The following NPAS3 variants were observed in gnomAD, a reference collection of about 807,000 sequenced individuals.
NPAS3 encodes neuronal PAS domain-containing protein 3.
Under a neutral mutation model 73.1 loss-of-function variants are expected in NPAS3, and 14 were observed. The ratio of observed to expected loss-of-function variants is 0.19; its 90% CI spans 0.13 to 0.30. The LOEUF (loss-of-function observed/expected upper bound fraction) is 0.30. Among genes scored for constraint, NPAS3 ranks in the 10% least tolerant of loss-of-function variants. NPAS3 has a pLI of 1.00. For missense variants in NPAS3, 1,096 were observed against 1,250.0 expected (o/e 0.88, Z 1.86); for synonymous variants, 620 against 541.5 (o/e 1.14, Z -2.01).
At chr14:33,492,464 AC>A (rs1222223222) in intron 4 of NPAS3, among the ~76,000 whole-genome samples, 2 of 152,138 alleles carry the variant, frequency 1.3e-5, no homozygotes, top group Non-Finnish European at 2.9e-5. Context: ...ACTTAGGAGG[AC>A]ATGAATGTTT....
intron 1 of NPAS3, among the ~76,000 whole-genome samples, chr14:33,027,876 C>T (rs920043343): frequency 6.6e-6 from 1 of 152,146 alleles, no homozygotes; most frequent in African/African-American, 2.4e-5. Context: ...GCACTAATAG[C>T]TGCTCTCAGA....
At chr14:33,346,531 A>G (rs76644563) in intron 3 of NPAS3, among the ~76,000 whole-genome samples, 1 of 150,878 alleles carries the variant, frequency 6.6e-6, no homozygotes, top group South Asian at 2.1e-4. Flanking sequence ...CTGTCTCAAA[A>G]AAAAAAAAAA....
At position 33,498,027 on chromosome 14, in the gene NPAS3, C is replaced by G. The variant is rs572814741; in HGVS notation, c.469-62094C>G. Among the ~76,000 whole-genome samples, 19 of 152,114 alleles carry G rather than the reference C, an allele frequency of 1.2e-4. No individual in the cohort carries two copies. The South Asian group carries it at 2.9e-3, about 23-fold the overall frequency. ...AAAAACAACCCCATCAAAAAGTAGG[C>G]AAAGGATATGAACAGACACTTCTCA... On this transcript the variant is annotated intron_variant, in intron 4 of 11. Coordinates refer to ENST00000356141, the Ensembl canonical transcript of NPAS3.
chr14:33,723,359 C>A (rs2061170104), intron 6 of NPAS3, among the ~76,000 whole-genome samples: 2 of 152,096 alleles, frequency 1.3e-5, no homozygotes, highest in South Asian at 4.1e-4. Context: ...ATATAGGATT[C>A]CCCATTCAAT....
intron 3 of NPAS3, among the ~76,000 whole-genome samples, chr14:33,284,084 T>A (rs1204736839): frequency 6.6e-6 from 1 of 152,238 alleles, no homozygotes; most frequent in East Asian, 1.9e-4. Context: ...ATTGTTTGCA[T>A]CTTTGTAAAC....
At chr14:33,238,222 A>T (rs1771957377) in intron 3 of NPAS3, among the ~76,000 whole-genome samples, 1 of 152,016 alleles carries the variant, frequency 6.6e-6, no homozygotes, top group Non-Finnish European at 1.5e-5. Context: ...CAGTTATAGG[A>T]TTATAAATGT....
At chr14:33,043,791 T>C (rs1266550392) in intron 1 of NPAS3, among the ~76,000 whole-genome samples, 1 of 152,042 alleles carries the variant, frequency 6.6e-6, no homozygotes, top group Admixed American at 6.6e-5. Flanking sequence ...TAAAAATGTA[T>C]TGTTAGTCCA....
chr14:33,110,836 A>C (rs903410588), intron 2 of NPAS3, among the ~76,000 whole-genome samples: 18 of 152,186 alleles, frequency 1.2e-4, no homozygotes, highest in African/African-American at 4.3e-4. Flanking sequence ...AAGAATTGCT[A>C]ACTAGGTTTT....
intron 3 of NPAS3, among the ~76,000 whole-genome samples, chr14:33,315,083 G>A (rs1048522940): frequency 3.9e-5 from 6 of 152,052 alleles, no homozygotes; most frequent in African/African-American, 1.4e-4. Context: ...AAACAGAGAT[G>A]AGAGTGGGCA....
chr14:33,480,389 A>G (rs887132480), intron 4 of NPAS3, among the ~76,000 whole-genome samples: 35 of 152,272 alleles, frequency 2.3e-4, no homozygotes, highest in African/African-American at 8.4e-4. Context: ...GCAATCTTCC[A>G]TAAGGCAAGT....
intron 3 of NPAS3, among the ~76,000 whole-genome samples, chr14:33,243,503 C>T (rs894528978): frequency 7.9e-5 from 12 of 152,024 alleles, no homozygotes; most frequent in African/African-American, 2.9e-4. Flanking sequence ...CAATAATTTG[C>T]ATTTTATCTA....
chr14:33,127,379 A>G (rs1218515016), intron 2 of NPAS3, among the ~76,000 whole-genome samples: 3 of 152,046 alleles, frequency 2.0e-5, no homozygotes, highest in African/African-American at 4.8e-5. Flanking sequence ...ATATATTGAG[A>G]ATATGTCCTT....
chr14:33,313,113 A>G (rs1017194977), intron 3 of NPAS3, among the ~76,000 whole-genome samples: 10 of 152,192 alleles, frequency 6.6e-5, no homozygotes, highest in Admixed American at 2.6e-4. Flanking sequence ...CCCTATAAAG[A>G]ATAGCTAGGA....
intron 6 of NPAS3, among the ~76,000 whole-genome samples, chr14:33,679,975 A>T (rs2059887235): frequency 6.6e-6 from 1 of 152,216 alleles, no homozygotes; most frequent in Admixed American, 6.5e-5. Flanking sequence ...GGCCTTGTTT[A>T]AAATGTTATA....
chr14:32,957,770 C>A (rs1463005744), intron 1 of NPAS3, among the ~76,000 whole-genome samples: 1 of 152,206 alleles, frequency 6.6e-6, no homozygotes, highest in East Asian at 1.9e-4. Flanking sequence ...AACAGAGTTA[C>A]TCCCTTATCC....
At chr14:33,494,689 A>T (rs1417315764) in intron 4 of NPAS3, among the ~76,000 whole-genome samples, 1 of 152,020 alleles carries the variant, frequency 6.6e-6, no homozygotes, top group Non-Finnish European at 1.5e-5. Context: ...TGTTGTTTAA[A>T]CCATAGGTAT....
intron 4 of NPAS3, among the ~76,000 whole-genome samples, chr14:33,537,422 A>T (rs1402846445): frequency 6.6e-6 from 1 of 152,192 alleles, no homozygotes. Flanking sequence ...GTAAAGTGGT[A>T]AGTGGAGGTT....
intron 4 of NPAS3, among the ~76,000 whole-genome samples, chr14:33,492,829 A>G (rs890908687): frequency 6.6e-6 from 1 of 152,172 alleles, no homozygotes; most frequent in Non-Finnish European, 1.5e-5. Context: ...ACCTTTCACC[A>G]TGGCAATGAT....
At chr14:33,435,222 A>C (rs993584553) in intron 4 of NPAS3, among the ~76,000 whole-genome samples, 95 of 152,344 alleles carry the variant, frequency 6.2e-4, no homozygotes, top group African/African-American at 2.2e-3. Flanking sequence ...AAATTTAGAG[A>C]GAAAGAGAAT....
Sources: gnomAD v4.1 joint callset for allele counts (sites outside exome capture counted in the v4.1 genomes callset) on GRCh38, gnomAD v4.1.1 for gene constraint, MANE v1.5 for transcripts, NCBI Gene and HGNC (gene_info 2026-07-23, HGNC 2026-07-21) for gene names.